Variants in KIF9 observed in about 807,000 individuals in gnomAD.
The protein encoded by KIF9 is kinesin family member 9, also known as kinesin-like protein KIF9.
KIF9 carries 68 observed loss-of-function variants against 94.8 expected under a neutral mutation model. That is an observed-to-expected ratio of 0.72 (90% CI 0.59 to 0.88). The LOEUF (loss-of-function observed/expected upper bound fraction) is 0.88. KIF9 is among the 40% of genes least tolerant of loss of function. The pLI, the probability that KIF9 is intolerant of heterozygous loss-of-function variation, is 0.00. For missense variants in KIF9, 882 were observed against 982.5 expected (o/e 0.90, Z 1.37); for synonymous variants, 343 against 362.1 (o/e 0.95, Z 0.60).
intron 10 of KIF9, 138 bp downstream of exon 10, chr3:47,257,344 AG>A (rs1328335636): frequency 4.0e-6 from 3 of 744,296 alleles, no homozygotes; most frequent in African/African-American, 3.5e-5. Flanking sequence ...TGGCCAGTCC[AG>A]GAGTGGAAAA....
At chr3:47,234,811 C>T (rs922788371) in intron 20 of KIF9, among the ~76,000 whole-genome samples, 2 of 150,912 alleles carry the variant, frequency 1.3e-5, no homozygotes, top group South Asian at 2.1e-4. Flanking sequence ...CCACCTCAGC[C>T]GCCCAAAGTG....
intron 10 of KIF9, among the ~76,000 whole-genome samples, chr3:47,253,163 T>C (rs1368598815): frequency 2.6e-5 from 4 of 152,114 alleles, no homozygotes; most frequent in Non-Finnish European, 4.4e-5. Flanking sequence ...GTTTTTTTGT[T>C]GTTGTTTGTT....
intron 10 of KIF9, 57 bp from the exon 11 acceptor site, chr3:47,248,143 C>G (rs1174564376): frequency 8.8e-6 from 11 of 1,252,370 alleles, no homozygotes; most frequent in Admixed American, 3.5e-5. Flanking sequence ...GAGAAGCTAC[C>G]CTGTCTCTTC....
intron 20 of KIF9, among the ~76,000 whole-genome samples, chr3:47,229,781 C>T (rs977713738): frequency 7.9e-5 from 12 of 151,504 alleles, no homozygotes; most frequent in Admixed American, 5.3e-4. Flanking sequence ...TCACCCAGGC[C>T]GGAGTACAGT....
intron 9 of KIF9, among the ~76,000 whole-genome samples, chr3:47,262,839 A>C (rs932015868): frequency 6.6e-6 from 1 of 152,206 alleles, no homozygotes; most frequent in Non-Finnish European, 1.5e-5. Context: ...CTTGCCTTAA[A>C]CATCCACACT....
chr3:47,276,422 G>A (rs1701969835), intron 2 of KIF9, among the ~76,000 whole-genome samples: 1 of 152,076 alleles, frequency 6.6e-6, no homozygotes, highest in Non-Finnish European at 1.5e-5. Context: ...CAGGCATGGT[G>A]GCACGTGCCT....
chr3:47,241,649 G>GTA (rs1306761618), intron 16 of KIF9, among the ~76,000 whole-genome samples: 18 of 147,516 alleles, frequency 1.2e-4, no homozygotes, highest in African/African-American at 3.2e-4. Context: ...GTGTGTGTGT[G>GTA]TATATATATA....
chr3:47,271,181 A>C, intron 5 of KIF9, 56 bp downstream of exon 5: 1 of 1,213,328 alleles, frequency 8.2e-7, no homozygotes, highest in South Asian at 1.3e-5. Flanking sequence ...AAAGCTGAGA[A>C]GGAGGGTGGC....
chr3:47,258,037 C>T (rs1700732306), intron 9 of KIF9, among the ~76,000 whole-genome samples: 1 of 152,190 alleles, frequency 6.6e-6, no homozygotes, highest in Non-Finnish European at 1.5e-5. Flanking sequence ...GATCCCCCTC[C>T]TTCACGCAGT....
At chr3:47,274,167 G>A (rs1398217269) in intron 3 of KIF9, among the ~76,000 whole-genome samples, 3 of 152,218 alleles carry the variant, frequency 2.0e-5, no homozygotes, top group African/African-American at 7.2e-5. Context: ...ATTCTTTGTA[G>A]ACTACAAATT....
chr3:47,270,382 T>C (rs371803641), intron 5 of KIF9, among the ~76,000 whole-genome samples: 2 of 151,796 alleles, frequency 1.3e-5, no homozygotes, highest in Non-Finnish European at 2.9e-5. Flanking sequence ...GCCTCCCTAG[T>C]AGCTGGGATT....
At chr3:47,271,086 G>C (rs1165265478) in intron 5 of KIF9, 151 bp downstream of exon 5, 7 of 622,106 alleles carry the variant, frequency 1.1e-5, no homozygotes, top group Non-Finnish European at 2.0e-5. Flanking sequence ...CGAGGCTGCA[G>C]TGAGCCATGT....
intron 10 of KIF9, among the ~76,000 whole-genome samples, chr3:47,256,991 A>G (rs572923232): frequency 3.6e-4 from 55 of 152,240 alleles, no homozygotes; most frequent in Admixed American, 1.0e-3. Flanking sequence ...AAGTACCCGG[A>G]GACACAAACA....
intron 20 of KIF9, among the ~76,000 whole-genome samples, chr3:47,229,453 G>A (rs368701930): frequency 2.0e-5 from 3 of 152,012 alleles, no homozygotes; most frequent in Non-Finnish European, 2.9e-5. Flanking sequence ...ACATACACAC[G>A]CCACTGTCAA....
At chr3:47,265,300 C>G (rs1701220489) in intron 8 of KIF9, among the ~76,000 whole-genome samples, 1 of 152,134 alleles carries the variant, frequency 6.6e-6, no homozygotes, top group African/African-American at 2.4e-5. Context: ...CAATCAGACA[C>G]TAGTGACTGT....
At chr3:47,260,076 T>TG (rs1700867746) in intron 9 of KIF9, among the ~76,000 whole-genome samples, 1 of 125,994 alleles carries the variant, frequency 7.9e-6, no homozygotes, top group Non-Finnish European at 1.6e-5. Context: ...TAAAACCCGA[T>TG]TGTATGCTTC....
intron 7 of KIF9, 177 bp from the exon 8 acceptor site, chr3:47,266,054 G>A: frequency 1.7e-6 from 1 of 587,660 alleles, no homozygotes; most frequent in Non-Finnish European, 3.0e-6. Context: ...GGCTAATAAT[G>A]GTAATACCAA....
rs74555274 is a variant in KIF9, at chr3:47,238,207, G to A, written c.1925-1588C>T. Among the ~76,000 whole-genome samples the A allele has an allele frequency of 7.3e-3, 1,116 of 152,112 alleles. 4 individuals are homozygous for A. Among genetic ancestry groups the A allele is most frequent in the Non-Finnish European group, 0.013 (861 of 68,004 alleles). On this transcript the variant is annotated intron_variant, in intron 17 of 20. Coordinates refer to ENST00000684063, the MANE Select transcript of KIF9 (RefSeq NM_182902.4). Reference sequence around the variant, plus strand: ...TCAACAAGTGGCTGTCAATAATAAGGTATCTAAGAGATTGATTGATTGATT... The same window carrying A: ...TCAACAAGTGGCTGTCAATAATAAGATATCTAAGAGATTGATTGATTGATT...
chr3:47,249,393 G>A (rs1034162797), intron 10 of KIF9, among the ~76,000 whole-genome samples: 45 of 151,866 alleles, frequency 3.0e-4, no homozygotes, highest in Admixed American at 2.9e-3. Flanking sequence ...TGATCTGCCC[G>A]CCTCAGCCTC....
Sources: allele counts gnomAD v4.1 joint callset (sites outside exome capture counted in the v4.1 genomes callset), GRCh38; gene constraint gnomAD v4.1.1; transcripts MANE v1.5; gene names NCBI Gene and HGNC (gene_info 2026-07-23, HGNC 2026-07-21).